The following APOOL variants were observed in gnomAD, a reference collection of about 807,000 sequenced individuals.
APOOL encodes MICOS complex subunit MIC27.
In APOOL, 12 loss-of-function variants were observed where a neutral mutation model predicts 23.1. That is an observed-to-expected ratio of 0.52 (90% CI 0.33 to 0.84). The LOEUF (loss-of-function observed/expected upper bound fraction) is 0.84. Among genes scored for constraint, APOOL ranks in the 40% least tolerant of loss-of-function variants. APOOL has a pLI of 0.02. For missense variants in APOOL, 212 were observed against 199.6 expected (o/e 1.06, Z -0.37); for synonymous variants, 77 against 69.9 (o/e 1.10, Z -0.51).
chrX:85,040,229 A>G (rs1301103861), intron 1 of APOOL, among the ~76,000 whole-genome samples: 1 of 112,000 alleles, frequency 8.9e-6, no homozygotes, highest in Non-Finnish European at 1.9e-5. Context: ...ATAGGCCCCA[A>G]ATCTCTTCTG....
At chrX:85,072,463 T>G (rs1308349069) in intron 6 of APOOL, among the ~76,000 whole-genome samples, 1 of 110,961 alleles carries the variant, frequency 9.0e-6, no homozygotes, top group Non-Finnish European at 1.9e-5. Context: ...TACGCTTCAG[T>G]GCAGAAATTT....
intron 4 of APOOL, among the ~76,000 whole-genome samples, chrX:85,055,358 G>A (rs1351300890): frequency 9.0e-6 from 1 of 111,337 alleles, no homozygotes; most frequent in Non-Finnish European, 1.9e-5. Flanking sequence ...AGGTTATTAG[G>A]GAGTAGTGGC....
Position 85,092,692 on chromosome X carries a change from C to G in APOOL, c.*5014C>G. Reference sequence around the variant, plus strand: ...ATAATACTTCCAAATATAGTAGTTACCTTTTGAACTTTTCTATAGCTGTAA... The same window carrying G: ...ATAATACTTCCAAATATAGTAGTTAGCTTTTGAACTTTTCTATAGCTGTAA... On this transcript the variant is annotated 3_prime_UTR_variant, in exon 9 of 9. Coordinates refer to ENST00000373173, the MANE Select transcript of APOOL (RefSeq NM_198450.6). 5 of 615,912 alleles carry G rather than the reference C, an allele frequency of 8.1e-6. No homozygotes were observed. Among genetic ancestry groups the G allele is most frequent in the Non-Finnish European group, 9.4e-6 (4 of 424,247 alleles). 50.8% of individuals were successfully genotyped at this position (615,912 alleles called of 1,213,427 possible).
At chrX:85,062,842 A>G (rs1172916266) in intron 5 of APOOL, among the ~76,000 whole-genome samples, 2 of 111,180 alleles carry the variant, frequency 1.8e-5, no homozygotes, top group Admixed American at 1.9e-4. Flanking sequence ...TCCTGGCTAT[A>G]TGAGCTCTTT....
intron 6 of APOOL, among the ~76,000 whole-genome samples, chrX:85,071,900 C>T (rs1437942985): frequency 8.9e-6 from 1 of 111,945 alleles, no homozygotes; most frequent in African/African-American, 3.2e-5. Flanking sequence ...CGAGACCATC[C>T]TGGCTAACAC....
intron 1 of APOOL, among the ~76,000 whole-genome samples, chrX:85,028,666 C>T (rs1921927864): frequency 9.1e-6 from 1 of 109,330 alleles, no homozygotes; most frequent in African/African-American, 3.3e-5. Flanking sequence ...CTAACCATTC[C>T]CACATCTCCC....
intron 1 of APOOL, among the ~76,000 whole-genome samples, chrX:85,045,201 TA>T (rs1379354621): frequency 1.8e-5 from 2 of 111,655 alleles, no homozygotes; most frequent in Non-Finnish European, 3.8e-5. Flanking sequence ...CATGTGCAGA[TA>T]AATCATTCTG....
chrX:85,078,047 C>G (rs961930226), intron 8 of APOOL, among the ~76,000 whole-genome samples: 1 of 111,601 alleles, frequency 9.0e-6, no homozygotes, highest in African/African-American at 3.3e-5. Flanking sequence ...GTTGCCTGTT[C>G]ACTCTGATGG....
chrX:85,025,729 A>G (rs1213098976), intron 1 of APOOL, among the ~76,000 whole-genome samples: 2 of 112,993 alleles, frequency 1.8e-5, no homozygotes, highest in East Asian at 5.6e-4. Context: ...TCCAGGGCAC[A>G]CTGCTGCAAA....
chrX:85,083,474 G>A (rs548192544), intron 8 of APOOL, among the ~76,000 whole-genome samples: 2 of 111,550 alleles, frequency 1.8e-5, no homozygotes, highest in Non-Finnish European at 3.8e-5. Context: ...AGAACTCATT[G>A]TATGGGTTTA....
intron 1 of APOOL, among the ~76,000 whole-genome samples, chrX:85,017,548 T>C (rs1200144091): frequency 9.0e-6 from 1 of 111,550 alleles, no homozygotes; most frequent in Non-Finnish European, 1.9e-5. Context: ...TGCTCAAGAA[T>C]GTTTGTGCCC....
chrX:85,034,483 T>C (rs1183654842), intron 1 of APOOL, among the ~76,000 whole-genome samples: 2 of 111,329 alleles, frequency 1.8e-5, no homozygotes, highest in East Asian at 5.6e-4. Context: ...ATTTCAACTT[T>C]TATTCTAGGT....
chrX:85,086,039 A>C (rs1924279212), intron 8 of APOOL, among the ~76,000 whole-genome samples: 1 of 112,234 alleles, frequency 8.9e-6, no homozygotes, highest in Non-Finnish European at 1.9e-5. Context: ...TCATGGTGGG[A>C]TTATGAGATA....
chrX:85,085,398 C>T (rs768165780), intron 8 of APOOL, among the ~76,000 whole-genome samples: 24 of 111,522 alleles, frequency 2.2e-4, no homozygotes, highest in African/African-American at 7.8e-4. Flanking sequence ...CCCAGAGACA[C>T]GAAGTTAAGA....
chrX:85,087,296 A>T (rs1341912466), intron 8 of APOOL, among the ~76,000 whole-genome samples: 1 of 110,371 alleles, frequency 9.1e-6, no homozygotes, highest in Admixed American at 9.7e-5. Flanking sequence ...GCACACCCTC[A>T]CCTCCTTCAG....
chrX:85,022,873 G>A (rs1457267575), intron 1 of APOOL, among the ~76,000 whole-genome samples: 1 of 111,849 alleles, frequency 8.9e-6, no homozygotes, highest in Non-Finnish European at 1.9e-5. Context: ...TGTTGGAGGT[G>A]GGTCCTCATG....
At chrX:85,018,058 C>T (rs762921550) in intron 1 of APOOL, among the ~76,000 whole-genome samples, 1 of 112,438 alleles carries the variant, frequency 8.9e-6, no homozygotes, top group South Asian at 3.7e-4. Flanking sequence ...TGCTATTTTC[C>T]TCCCATCCAT....
chrX:85,069,728 A>T (rs1210394705), intron 6 of APOOL, among the ~76,000 whole-genome samples: 3 of 109,614 alleles, frequency 2.7e-5, no homozygotes, highest in Non-Finnish European at 5.7e-5. Flanking sequence ...ACAGTAAGCC[A>T]TATCTGTAGT....
intron 8 of APOOL, 37 bp downstream of exon 8, chrX:85,074,428 T>C: frequency 8.4e-7 from 1 of 1,187,641 alleles, no homozygotes; most frequent in Non-Finnish European, 1.1e-6. Flanking sequence ...TTTCATTCTT[T>C]TCTTAAATAA....
Sources: gnomAD v4.1 joint callset for allele counts (sites outside exome capture counted in the v4.1 genomes callset) on GRCh38, gnomAD v4.1.1 for gene constraint, MANE v1.5 for transcripts, NCBI Gene and HGNC (gene_info 2026-07-23, HGNC 2026-07-21) for gene names.